Variants in PPEF1 observed in about 807,000 individuals in gnomAD.
The protein encoded by PPEF1 is protein phosphatase with EF-hand domain 1, also known as serine/threonine-protein phosphatase with EF-hands 1.
In PPEF1, 12 loss-of-function variants were observed where a neutral mutation model predicts 53.3. The ratio of observed to expected loss-of-function variants is 0.23; its 90% CI spans 0.14 to 0.36. The LOEUF is 0.36. Ranked by LOEUF, PPEF1 falls within the 10% of genes least tolerant of loss-of-function variation. The probability of loss-of-function intolerance (pLI) is 1.00; values close to 1 mark genes in which losing one functional copy is unlikely to be tolerated. For missense variants in PPEF1, 334 were observed against 490.4 expected (o/e 0.68, Z 3.01); for synonymous variants, 165 against 176.7 (o/e 0.93, Z 0.52).
At chrX:18,784,476 AT>A (rs756587194) in intron 9 of PPEF1, among the ~76,000 whole-genome samples, 170 of 110,344 alleles carry the variant, frequency 1.5e-3, no homozygotes, top group African/African-American at 5.3e-3. Context: ...AACCATCACC[AT>A]CACTACCATC....
At chrX:18,771,430 A>G (rs2045867892) in intron 6 of PPEF1, among the ~76,000 whole-genome samples, 1 of 111,697 alleles carries the variant, frequency 9.0e-6, no homozygotes, top group Non-Finnish European at 1.9e-5. Context: ...TTGATATAAT[A>G]CTTATTAAGA....
At chrX:18,724,494 A>G (rs1458208315) in intron 1 of PPEF1, among the ~76,000 whole-genome samples, 2 of 112,221 alleles carry the variant, frequency 1.8e-5, no homozygotes, top group African/African-American at 6.5e-5. Context: ...CCAGCTTGGC[A>G]ATAGAGAAAC....
intron 3 of PPEF1, among the ~76,000 whole-genome samples, chrX:18,690,573 C>T (rs780847990): frequency 9.0e-6 from 1 of 111,369 alleles, no homozygotes; most frequent in African/African-American, 3.3e-5. Context: ...CAGGGTTTCA[C>T]CATGTTGGCC....
At chrX:18,767,677 G>A (rs1270821111) in intron 6 of PPEF1, among the ~76,000 whole-genome samples, 1 of 112,475 alleles carries the variant, frequency 8.9e-6, no homozygotes, top group African/African-American at 3.2e-5. Flanking sequence ...ATCCATTTAA[G>A]CAATGCTTAT....
intron 12 of PPEF1, among the ~76,000 whole-genome samples, chrX:18,811,601 ATATATATATATATATTTTTT>A (rs200617700): frequency 0.52 from 39,608 of 76,378 alleles, 6,106 homozygotes; most frequent in Non-Finnish European, 0.6. Flanking sequence ...ATATATATAT[ATATATATATATATATTTTTT>A]TTTTTTTTTT....
chrX:18,787,768 AAAAG>A (rs1298591622), intron 9 of PPEF1, among the ~76,000 whole-genome samples: 18 of 103,801 alleles, frequency 1.7e-4, no homozygotes, highest in South Asian at 4.2e-4. Context: ...AAAAAAAAAA[AAAAG>A]AAAGAAAGAA....
intron 15 of PPEF1, among the ~76,000 whole-genome samples, chrX:18,826,181 A>G (rs1324875506): frequency 9.0e-6 from 1 of 111,134 alleles, no homozygotes. Flanking sequence ...AAAGAAACTC[A>G]TTTAATATTA....
chrX:18,769,927 G>A (rs183681102), intron 6 of PPEF1, among the ~76,000 whole-genome samples: 111 of 111,930 alleles, frequency 9.9e-4, no homozygotes, highest in African/African-American at 3.2e-3. Flanking sequence ...ATAGGAAATA[G>A]GCGAGACTGT....
intron 12 of PPEF1, among the ~76,000 whole-genome samples, chrX:18,812,054 G>A (rs1484241268): frequency 9.0e-6 from 1 of 111,475 alleles, no homozygotes; most frequent in Non-Finnish European, 1.9e-5. Context: ...TATCTAAGAA[G>A]GCATTGCCTA....
At chrX:18,711,620 C>T (rs1187420474) in intron 1 of PPEF1, among the ~76,000 whole-genome samples, 1 of 109,644 alleles carries the variant, frequency 9.1e-6, no homozygotes, top group Non-Finnish European at 1.9e-5. Context: ...AAAGATTGTT[C>T]TTTCCCCATT....
chrX:18,743,094 G>A (rs1359273569), intron 3 of PPEF1, among the ~76,000 whole-genome samples: 2 of 112,249 alleles, frequency 1.8e-5, no homozygotes, highest in African/African-American at 6.5e-5. Flanking sequence ...CTCTTCCTCA[G>A]AGGAGTGGCA....
exon 1 of PPEF1, chrX:18,675,929 T>G (rs1001032498): frequency 6.4e-5 from 5 of 78,199 alleles, no homozygotes; most frequent in Admixed American, 4.0e-4. Context: ...ATTCTCAAGC[T>G]TGAAAACCCA....
In PPEF1 at chrX:18,687,539, C is replaced by T. The variant is rs147282908; in HGVS notation, c.-426+1308C>T. Among the ~76,000 whole-genome samples the T allele has an allele frequency of 4.2e-3, 468 of 111,780 alleles. 3 individuals carry two copies. The highest frequency in any genetic ancestry group is 0.018 in the Middle Eastern group (4 of 218). ...TATTATGTCCCTAGACACATCCTGA[C>T]CCACTGGCCAGACCACATTTCTTCT... On this transcript the variant is annotated intron_variant, in intron 3 of 21. Transcript: ENST00000361511.
At chrX:18,699,453 A>G (rs1044889111) in intron 5 of PPEF1, among the ~76,000 whole-genome samples, 6 of 111,583 alleles carry the variant, frequency 5.4e-5, no homozygotes, top group Non-Finnish European at 9.4e-5. Context: ...GAAAACACGT[A>G]TGCTGTGTCA....
At chrX:18,708,218 T>G (rs1341017417) in intron 1 of PPEF1, among the ~76,000 whole-genome samples, 1 of 112,316 alleles carries the variant, frequency 8.9e-6, no homozygotes, top group African/African-American at 3.2e-5. Context: ...ATTTTATAAC[T>G]CAATGATCAC....
At chrX:18,733,864 T>C in intron 3 of PPEF1, 56 bp downstream of exon 3, 1 of 966,569 alleles carries the variant, frequency 1.0e-6, no homozygotes, top group Non-Finnish European at 1.4e-6. Flanking sequence ...ATTGTCTTCA[T>C]CAAGAGCGGT....
In PPEF1 at chrX:18,802,553, G is replaced by A. The variant is rs369448355; in HGVS notation, c.1066-1339G>A. Among the ~76,000 whole-genome samples, 13 of 111,831 alleles carry A rather than the reference G, an allele frequency of 1.2e-4. No homozygotes were observed. In the East Asian group the frequency reaches 1.4e-3, roughly 12 times the overall value. Reference sequence around the variant, plus strand: ...CTGAGAATGTACTTACCATCGAGGGGGGAAAAGTGAAGGAGATGCTTTAGG... The same window carrying A: ...CTGAGAATGTACTTACCATCGAGGGAGGAAAAGTGAAGGAGATGCTTTAGG... On this transcript the variant is annotated intron_variant, in intron 10 of 15. Transcript: ENST00000470157.
At chrX:18,691,855 T>C (rs1252219569) in intron 4 of PPEF1, among the ~76,000 whole-genome samples, 1 of 112,147 alleles carries the variant, frequency 8.9e-6, no homozygotes. Context: ...TTCCAGGCAG[T>C]AATTCTAGGT....
chrX:18,687,915 C>T (rs1261579725), intron 3 of PPEF1, among the ~76,000 whole-genome samples: 1 of 110,872 alleles, frequency 9.0e-6, no homozygotes, highest in Non-Finnish European at 1.9e-5. Context: ...TCTCGAACTT[C>T]AGACCTCAAG....
Sources: allele counts gnomAD v4.1 joint callset (sites outside exome capture counted in the v4.1 genomes callset), GRCh38; gene constraint gnomAD v4.1.1; transcripts MANE v1.5; gene names NCBI Gene and HGNC (gene_info 2026-07-23, HGNC 2026-07-21).